Variants in SLC25A12 observed in about 807,000 individuals in gnomAD.
The protein encoded by SLC25A12 is solute carrier family 25 member 12, also known as electrogenic aspartate/glutamate antiporter SLC25A12, mitochondrial.
Under a neutral mutation model 83.3 loss-of-function variants are expected in SLC25A12, and 32 were observed. The observed-to-expected ratio is 0.38, with a 90% CI of 0.29 to 0.52. The LOEUF (loss-of-function observed/expected upper bound fraction) is 0.52, where lower values mean the gene tolerates loss of function less well. SLC25A12 is among the 20% of genes least tolerant of loss of function. The probability of loss-of-function intolerance (pLI) is 0.84; values close to 1 mark genes in which losing one functional copy is unlikely to be tolerated. For synonymous variants in SLC25A12, 267 were observed against 291.1 expected, an observed-to-expected ratio of 0.92 and a Z score of 0.84; for missense variants, 611 against 835.6, an observed-to-expected ratio of 0.73 and a Z score of 3.31.
At chr2:171,821,019 T>C (rs1265658898) in intron 9 of SLC25A12, among the ~76,000 whole-genome samples, 13 of 18,782 alleles carry the variant, frequency 6.9e-4, no homozygotes, top group Non-Finnish European at 2.4e-3. Context: ...TAAACATTCT[T>C]TTTTTTTTTT....
chr2:171,867,478 C>T (rs1260158607), intron 3 of SLC25A12, among the ~76,000 whole-genome samples: 3 of 152,268 alleles, frequency 2.0e-5, no homozygotes, highest in East Asian at 1.9e-4. Flanking sequence ...CAAAAAAATA[C>T]GAAAACCAGT....
At chr2:171,892,350 C>T (rs1480186849) in intron 2 of SLC25A12, among the ~76,000 whole-genome samples, 3 of 152,080 alleles carry the variant, frequency 2.0e-5, no homozygotes, top group Non-Finnish European at 2.9e-5. Context: ...CTCAGCCTCC[C>T]GAGTAGCTGG....
intron 8 of SLC25A12, among the ~76,000 whole-genome samples, chr2:171,827,560 T>C (rs1409333403): frequency 6.6e-6 from 1 of 152,324 alleles, no homozygotes; most frequent in East Asian, 1.9e-4. Context: ...TTCATTTATA[T>C]AGGGTGTAAC....
At chr2:171,830,976 C>G (rs1344655214) in intron 8 of SLC25A12, among the ~76,000 whole-genome samples, 1 of 152,190 alleles carries the variant, frequency 6.6e-6, no homozygotes, top group East Asian at 1.9e-4. Flanking sequence ...GTTGTAAGCT[C>G]TGAGGGGGCA....
At chr2:171,868,559 C>G in intron 3 of SLC25A12, 122 bp downstream of exon 3, 1 of 932,768 alleles carries the variant, frequency 1.1e-6, no homozygotes, top group Non-Finnish European at 1.7e-6. Context: ...GGTGATCCGC[C>G]CGCCTCAGCC....
chr2:171,868,371 C>CAG (rs1268044649), intron 3 of SLC25A12, among the ~76,000 whole-genome samples: 2 of 141,248 alleles, frequency 1.4e-5, no homozygotes, highest in African/African-American at 5.3e-5. Flanking sequence ...TGAAGTGCAG[C>CAG]AGCTCGATCT....
At chr2:171,845,135 A>G (rs939369996) in intron 4 of SLC25A12, among the ~76,000 whole-genome samples, 5 of 152,190 alleles carry the variant, frequency 3.3e-5, no homozygotes, top group African/African-American at 1.2e-4. Context: ...AACTATTAAA[A>G]TATTTTAAGA....
chr2:171,864,977 C>A (rs1358691026), intron 3 of SLC25A12, among the ~76,000 whole-genome samples: 1 of 152,116 alleles, frequency 6.6e-6, no homozygotes, highest in Non-Finnish European at 1.5e-5. Flanking sequence ...TAATGTTTGC[C>A]AAATAAATAG....
chr2:171,848,457 T>C (rs1048472589), intron 4 of SLC25A12, among the ~76,000 whole-genome samples: 1 of 152,192 alleles, frequency 6.6e-6, no homozygotes, highest in Admixed American at 6.5e-5. Flanking sequence ...CCTGCACAGT[T>C]CTTAAAGTGA....
intron 13 of SLC25A12, among the ~76,000 whole-genome samples, chr2:171,794,782 A>G (rs1264740381): frequency 6.6e-6 from 1 of 152,216 alleles, no homozygotes; most frequent in African/African-American, 2.4e-5. Context: ...CCATACTCAT[A>G]TAATATTCAT....
intron 5 of SLC25A12, among the ~76,000 whole-genome samples, chr2:171,843,343 A>G (rs563588146): frequency 2.5e-4 from 38 of 152,224 alleles, no homozygotes; most frequent in Admixed American, 4.6e-4. Flanking sequence ...TCTAAGAACA[A>G]TAACTTTAGG....
Position 171,818,796 on chromosome 2 carries a change from T to C in SLC25A12, c.931-3594A>G, listed in dbSNP as rs908175496. On this transcript the variant is annotated intron_variant, in intron 9 of 17. Coordinates refer to ENST00000422440, the MANE Select transcript of SLC25A12 (RefSeq NM_003705.5). ...TGCCCAAACCACACTGCCAACTCAA[T>C]AGGGAGAACTACCTCTTTCAAATGA... is the stretch of plus-strand genomic sequence containing the variant. Among the ~76,000 whole-genome samples the C allele has an allele frequency of 5.9e-5, 9 of 151,836 alleles. No homozygotes were observed. In the East Asian group the frequency reaches 7.7e-4, roughly 13 times the overall value.
chr2:171,845,758 G>A, intron 4 of SLC25A12: 1 of 454,778 alleles, frequency 2.2e-6, no homozygotes, highest in Non-Finnish European at 4.4e-6. Flanking sequence ...GCTCTGAATA[G>A]ATTGCAGCAA....
intron 7 of SLC25A12, 118 bp downstream of exon 7, chr2:171,834,609 C>T (rs779746168): frequency 8.6e-7 from 1 of 1,159,064 alleles, no homozygotes; most frequent in South Asian, 1.3e-5. Flanking sequence ...CATACATACA[C>T]ATGGTAACAT....
chr2:171,828,159 T>A (rs919883711), intron 8 of SLC25A12, among the ~76,000 whole-genome samples: 1 of 152,274 alleles, frequency 6.6e-6, no homozygotes, highest in Middle Eastern at 3.4e-3. Context: ...TCCTAGTAGA[T>A]CCTTGGTAAT....
At chr2:171,882,869 A>G (rs1685725305) in intron 2 of SLC25A12, among the ~76,000 whole-genome samples, 2 of 152,210 alleles carry the variant, frequency 1.3e-5, no homozygotes, top group Non-Finnish European at 2.9e-5. Context: ...TTGGGATTTC[A>G]GAGCCTATGG....
intron 5 of SLC25A12, among the ~76,000 whole-genome samples, chr2:171,839,596 T>C (rs1453316346): frequency 6.6e-6 from 1 of 152,022 alleles, no homozygotes; most frequent in East Asian, 1.9e-4. Flanking sequence ...CACTCTCCAC[T>C]AAAATAACAA....
intron 2 of SLC25A12, among the ~76,000 whole-genome samples, chr2:171,875,298 C>T (rs896848153): frequency 6.6e-6 from 1 of 152,174 alleles, no homozygotes; most frequent in Non-Finnish European, 1.5e-5. Flanking sequence ...GGCTCCCACA[C>T]TGTGGAGTGT....
intron 13 of SLC25A12, among the ~76,000 whole-genome samples, chr2:171,800,354 C>T (rs1390560770): frequency 6.7e-6 from 1 of 149,350 alleles, no homozygotes; most frequent in African/African-American, 2.5e-5. Flanking sequence ...CACACATATA[C>T]GAATAGCCAA....
Sources: gnomAD v4.1 joint callset for allele counts (sites outside exome capture counted in the v4.1 genomes callset) on GRCh38, gnomAD v4.1.1 for gene constraint, MANE v1.5 for transcripts, NCBI Gene and HGNC (gene_info 2026-07-23, HGNC 2026-07-21) for gene names.